NINJ2: variants seen among roughly 807,000 people sequenced by gnomAD.
The protein encoded by NINJ2 is ninjurin-2.
Under a neutral mutation model 11.7 loss-of-function variants are expected in NINJ2, and 12 were observed. The ratio of observed to expected loss-of-function variants is 1.02; its 90% CI spans 0.66 to 1.66. The LOEUF (loss-of-function observed/expected upper bound fraction) is 1.66. Ranked by LOEUF, NINJ2 falls within the 40% of genes most tolerant of loss-of-function variation. The probability of loss-of-function intolerance (pLI) is 0.00; values close to 1 mark genes in which losing one functional copy is unlikely to be tolerated. For missense variants in NINJ2, 187 were observed against 181.8 expected, an observed-to-expected ratio of 1.03 and a Z score of -0.16; for synonymous variants, 93 against 76.8, an observed-to-expected ratio of 1.21 and a Z score of -1.10.
At chr12:622,991 C>CA (rs1173253524) in intron 1 of NINJ2, among the ~76,000 whole-genome samples, 1 of 152,132 alleles carries the variant, frequency 6.6e-6, no homozygotes, top group African/African-American at 2.4e-5. Flanking sequence ...CTAAAAGTCC[C>CA]ATGGAACTTG....
At chr12:610,219 G>C in intron 1 of NINJ2, 1 of 783,184 alleles carries the variant, frequency 1.3e-6, no homozygotes, top group Non-Finnish European at 2.1e-6. Context: ...ACACCCAGCA[G>C]ACACAGAATC....
intron 1 of NINJ2, among the ~76,000 whole-genome samples, chr12:569,699 C>T (rs1947351056): frequency 6.6e-6 from 1 of 152,204 alleles, no homozygotes; most frequent in African/African-American, 2.4e-5. Context: ...GAGGTCTTCC[C>T]AACCTCTATG....
intron 1 of NINJ2, among the ~76,000 whole-genome samples, chr12:571,236 G>T (rs571394835): frequency 2.0e-5 from 3 of 152,182 alleles, no homozygotes; most frequent in East Asian, 3.8e-4. Flanking sequence ...GGGGCGGCAT[G>T]AAGCTGGAGC....
chr12:629,916 T>TATATATATAC (rs147102413), intron 1 of NINJ2, among the ~76,000 whole-genome samples: 117 of 72,982 alleles, frequency 1.6e-3, no homozygotes, highest in Middle Eastern at 9.8e-3. Context: ...TATATATATA[T>TATATATATAC]ATATATGAAG....
At chr12:643,476 G>A (rs1294291711) in intron 1 of NINJ2, 1 of 988,142 alleles carries the variant, frequency 1.0e-6, no homozygotes, top group East Asian at 1.1e-4. Context: ...AGAAAGACCC[G>A]ATTCGGGAAC....
rs1030708547 is a variant in NINJ2, at chr12:580,819, CGTGT to C, written c.34-14645_34-14642del. 6.7e-6 allele frequency among the ~76,000 whole-genome samples: 1 copy of C among 150,188 alleles called. No homozygotes were observed. Among genetic ancestry groups the C allele is most frequent in the African/African-American group, 2.5e-5 (1 of 40,754 alleles). On this transcript the variant is annotated intron_variant, in intron 1 of 3. Transcript: ENST00000305108. This position sits in a 1 kb window ranked among gnomAD's most constrained non-coding sequence, Gnocchi z 4.7. ...CTGTGTGTGTGTGTCTGTGTGTATG[CGTGT>C]GTGTCTGTGTGTATGCATGTGTGTC...
chr12:655,254 T>G (rs1052816641), intron 1 of NINJ2, among the ~76,000 whole-genome samples: 1 of 152,220 alleles, frequency 6.6e-6, no homozygotes, highest in African/African-American at 2.4e-5. Flanking sequence ...TAGGAAGTCC[T>G]AGTAAATGCA....
chr12:597,989 C>A (rs927681162), intron 1 of NINJ2, among the ~76,000 whole-genome samples: 10 of 152,192 alleles, frequency 6.6e-5, no homozygotes, highest in Admixed American at 2.0e-4. Flanking sequence ...TTCTTTGTAG[C>A]TCTGGGCTAA....
chr12:611,846 G>C (rs1309657085), intron 1 of NINJ2, among the ~76,000 whole-genome samples: 1 of 152,230 alleles, frequency 6.6e-6, no homozygotes, highest in Non-Finnish European at 1.5e-5. Context: ...ATTATTACTT[G>C]TTGTAGGAGG....
chr12:606,874 AG>A (rs1947947892), intron 1 of NINJ2, among the ~76,000 whole-genome samples: 1 of 152,128 alleles, frequency 6.6e-6, no homozygotes, highest in African/African-American at 2.4e-5. Flanking sequence ...AGGAAGAAAG[AG>A]TGGAGCAAAA....
At chr12:645,400 TA>T (rs1386709027) in intron 1 of NINJ2, 2 of 152,338 alleles carry the variant, frequency 1.3e-5, no homozygotes, top group African/African-American at 4.8e-5. Flanking sequence ...TACTTAGAAA[TA>T]AATGGTAGCC....
intron 1 of NINJ2, among the ~76,000 whole-genome samples, chr12:648,297 C>A (rs554307853): frequency 5.3e-5 from 8 of 152,300 alleles, no homozygotes; most frequent in Admixed American, 1.3e-4. Context: ...AAGCTGGTCA[C>A]AAACTCCTGA....
rs146958439 is a variant in NINJ2, at chr12:647,235, G to A, written c.33+16093C>T. Among the ~76,000 whole-genome samples, 370 of 152,330 alleles carry A rather than the reference G, an allele frequency of 2.4e-3. 1 individual carries two copies. The highest frequency in any genetic ancestry group is 0.014 in the Middle Eastern group (4 of 294). The stretch of plus-strand genomic sequence containing the variant: ...GTAGCTCTCTTCCCTCTCCTGAGAC[G>A]CAAGGCTGGGTGACAGGAGACAGAC... On this transcript the variant is annotated intron_variant, in intron 1 of 3. Coordinates refer to ENST00000305108, the MANE Select transcript of NINJ2 (RefSeq NM_016533.6).
chr12:588,520 G>C lies in NINJ2; in HGVS notation c.34-22342C>G, dbSNP rs117512665. ...GTGTCATTCTCATAACAATCCCTGG[G>C]ATAAGTACTGTCCTTATCTAAGGGA... On this transcript the variant is annotated intron_variant, in intron 1 of 3. Coordinates refer to ENST00000305108, the MANE Select transcript of NINJ2 (RefSeq NM_016533.6). Among the ~76,000 whole-genome samples the C allele has an allele frequency of 6.0e-3, 914 of 152,240 alleles. 4 individuals carry two copies. The highest frequency in any genetic ancestry group is 9.2e-3 in the Non-Finnish European group (626 of 68,026).
At chr12:603,178 T>C (rs755624545) in intron 1 of NINJ2, among the ~76,000 whole-genome samples, 1 of 152,240 alleles carries the variant, frequency 6.6e-6, no homozygotes, top group Non-Finnish European at 1.5e-5. Context: ...TGGCTAATGA[T>C]GTTAAACATC....
chr12:610,672 A>G (rs1195057371), intron 1 of NINJ2: 1 of 981,620 alleles, frequency 1.0e-6, no homozygotes, highest in African/African-American at 1.8e-5. Flanking sequence ...CTTCAACTCA[A>G]CCTTGTTTAG....
intron 1 of NINJ2, among the ~76,000 whole-genome samples, chr12:641,619 C>T (rs1369841713): frequency 1.3e-5 from 2 of 152,156 alleles, no homozygotes; most frequent in Middle Eastern, 3.4e-3. Context: ...CCGAGGCAGG[C>T]GGATCACAAG....
rs189421811 is a variant in NINJ2, at chr12:618,326, G to A, written c.33+45002C>T. Among the ~76,000 whole-genome samples, 380 of 69,994 alleles carry A rather than the reference G, an allele frequency of 5.4e-3. 11 individuals are homozygous for A. The highest frequency in any genetic ancestry group is 0.017 in the African/African-American group (357 of 20,884). 45.9% of individuals were successfully genotyped at this position (69,994 alleles called of 152,430 possible). On this transcript the variant is annotated intron_variant, in intron 1 of 3. Transcript: ENST00000305108. ...GTGAGGAGTTGGTAATGAGGTGGGGGTGAGGAGTTGGTAATAAGGTGGGGG... is the reference window on the plus strand; with the variant it reads ...GTGAGGAGTTGGTAATGAGGTGGGGATGAGGAGTTGGTAATAAGGTGGGGG...
At chr12:615,655 T>C (rs1297612746) in intron 1 of NINJ2, among the ~76,000 whole-genome samples, 1 of 152,214 alleles carries the variant, frequency 6.6e-6, no homozygotes, top group African/African-American at 2.4e-5. Flanking sequence ...TGGGAAGCCT[T>C]CCTCAGCTCC....
Sources: allele counts gnomAD v4.1 joint callset (sites outside exome capture counted in the v4.1 genomes callset), GRCh38; gene constraint gnomAD v4.1.1; non-coding constraint Gnocchi (gnomAD v3.1); transcripts MANE v1.5; gene names NCBI Gene and HGNC (gene_info 2026-07-23, HGNC 2026-07-21).